The following R3HDML variants were observed in gnomAD, a reference collection of about 807,000 sequenced individuals.
R3HDML encodes the protein R3H domain containing like, also known as peptidase inhibitor R3HDML.
In R3HDML, 21 loss-of-function variants were observed where a neutral mutation model predicts 24.2. The observed-to-expected ratio is 0.87, with a 90% confidence interval of 0.62 to 1.25. R3HDML has a LOEUF of 1.25. R3HDML is among the 50% of genes most tolerant of loss of function. R3HDML has a pLI of 0.00. For synonymous variants in R3HDML, 133 were observed against 131.5 expected (o/e 1.01, Z -0.08); for missense variants, 301 against 340.3 (o/e 0.88, Z 0.91).
intron 4 of R3HDML, chr20:44,347,717 G>A (rs1218074352): frequency 6.6e-6 from 1 of 152,168 alleles, no homozygotes; most frequent in Admixed American, 6.5e-5. Context: ...ATGTCACAAA[G>A]CCAACAAGTA....
At chr20:44,346,061 C>G (rs2062786122) in intron 4 of R3HDML, among the ~76,000 whole-genome samples, 1 of 152,224 alleles carries the variant, frequency 6.6e-6, no homozygotes, top group African/African-American at 2.4e-5. Flanking sequence ...CTCAGGTGAT[C>G]TGCCCGCATC....
rs117125225 is a variant in R3HDML at position 44,348,142 on chromosome 20, C to A, written c.630-2518C>A. On this transcript the variant is annotated intron_variant, in intron 4 of 4. Transcript: ENST00000217043. Reference sequence around the variant, plus strand: ...TCAGTATAGTTGTTAAGATTTTTAGCCTCTGGGGCCAAGACTACCAGGGTT... The same window carrying A: ...TCAGTATAGTTGTTAAGATTTTTAGACTCTGGGGCCAAGACTACCAGGGTT... Among the ~76,000 whole-genome samples the A allele has an allele frequency of 1.1e-3, 160 of 152,004 alleles. 2 individuals carry two copies. The East Asian group carries it at 0.024, about 23-fold the overall frequency.
At chr20:44,345,241 C>T in intron 3 of R3HDML, 22 bp from the exon 4 acceptor site, 1 of 1,602,548 alleles carries the variant, frequency 6.2e-7, no homozygotes, top group Admixed American at 1.7e-5. Flanking sequence ...TCATAGCCCC[C>T]TCTGTCTCTG....
At position 44,343,511 on chromosome 20, in the gene R3HDML, T is replaced by C. The variant is rs776694435; in HGVS notation, c.513+2T>C. The C allele has an allele frequency of 6.3e-7, 1 of 1,599,840 alleles. No individual in the cohort carries two copies. Among genetic ancestry groups the C allele is most frequent in the South Asian group, 1.1e-5 (1 of 89,238 alleles). On this transcript the variant is annotated splice_donor_variant, in intron 3 of 4. Transcript: ENST00000217043. LOFTEE classifies it high-confidence loss of function. ...CCCACCTGCTCCCATTATACCCAGGTACTCCTCCGTCAGGGCTGAGGGCCC... is the reference window on the plus strand; with the variant it reads ...CCCACCTGCTCCCATTATACCCAGGCACTCCTCCGTCAGGGCTGAGGGCCC...
At chr20:44,342,943 G>C (rs1038434046) in intron 2 of R3HDML, among the ~76,000 whole-genome samples, 2 of 151,968 alleles carry the variant, frequency 1.3e-5, no homozygotes, top group Non-Finnish European at 2.9e-5. Context: ...AACAGAGCGA[G>C]ACTCCATCTC....
chr20:44,337,369 A>T lies in R3HDML; in HGVS notation c.212A>T (p.Asn71Ile). 2 of 1,614,172 alleles carry T rather than the reference A, an allele frequency of 1.2e-6. No individual in the cohort carries two copies. The highest frequency in any genetic ancestry group is 1.6e-4 in the Middle Eastern group (1 of 6,062). Residue 71 changes from asparagine (N) to isoleucine (I), a missense_variant, in exon 1 of 5, where the codon AAC (asparagine) becomes ATC (isoleucine). Coordinates refer to ENST00000217043, the MANE Select transcript of R3HDML (RefSeq NM_178491.4). The surrounding 1 kb of genome is among the most constrained non-coding windows in gnomAD (Gnocchi z 4.7). The part of the protein sequence containing the change: ...RDMNALLDYH[N>I]HIRASVYPPA... ...ATGAATGCCTTACTGGATTATCACA[A>T]CCACATCCGGGCCAGTGTGTACCCA...
At chr20:44,348,616 A>T (rs2144907) in intron 4 of R3HDML, among the ~76,000 whole-genome samples, 141,875 of 152,134 alleles carry the variant, frequency 0.93, 66,259 homozygotes, top group East Asian at 1. Flanking sequence ...TCCTCACACC[A>T]CAGCCTCCCC....
intron 4 of R3HDML, 41 bp downstream of exon 4, chr20:44,345,419 C>T (rs768761969): frequency 5.0e-6 from 7 of 1,408,726 alleles, no homozygotes; most frequent in Admixed American, 1.8e-5. Flanking sequence ...CTGGGGCCGG[C>T]GGGTGGGTCC....
At chr20:44,342,259 C>T (rs944178565) in intron 2 of R3HDML, among the ~76,000 whole-genome samples, 22 of 152,160 alleles carry the variant, frequency 1.4e-4, no homozygotes, top group African/African-American at 4.3e-4. Context: ...GCCATCACCC[C>T]GGGGAGAGTG....
chr20:44,349,789 G>C (rs1011306978), intron 4 of R3HDML, among the ~76,000 whole-genome samples: 2 of 152,216 alleles, frequency 1.3e-5, no homozygotes, highest in African/African-American at 2.4e-5. Flanking sequence ...GGAGAAAAAG[G>C]CTGGGCGCGG....
At chr20:44,345,739 C>A (rs2062784841) in intron 4 of R3HDML, among the ~76,000 whole-genome samples, 1 of 151,976 alleles carries the variant, frequency 6.6e-6, no homozygotes, top group Non-Finnish European at 1.5e-5. Flanking sequence ...GAGGTTGAGG[C>A]TGCAGTGAGC....
intron 2 of R3HDML, among the ~76,000 whole-genome samples, chr20:44,341,688 C>A (rs1256126944): frequency 6.6e-6 from 1 of 152,128 alleles, no homozygotes; most frequent in Non-Finnish European, 1.5e-5. Flanking sequence ...AGTTCAAGAC[C>A]AGTCTGGACA....
chr20:44,348,482 C>CTCCTTTCCTTTCCTTTCCTT (rs36204291), intron 4 of R3HDML, among the ~76,000 whole-genome samples: 4,821 of 135,120 alleles, frequency 0.036, 136 homozygotes, highest in Non-Finnish European at 0.048. Flanking sequence ...TTTTCCCTTT[C>CTCCTTTCCTTTCCTTTCCTT]TCCTTTCCTT....
chr20:44,343,001 A>G (rs898349845), intron 2 of R3HDML, among the ~76,000 whole-genome samples: 1 of 152,092 alleles, frequency 6.6e-6, no homozygotes, highest in African/African-American at 2.4e-5. Flanking sequence ...TTTTCAGACT[A>G]CAGAGGTTAT....
In R3HDML at chr20:44,341,261, G is replaced by T. The variant is rs1432510774; in HGVS notation, c.327G>T (p.Gly109=). The change falls in exon 2 of 5, where the codon GGG becomes GGT. Residue 109 remains glycine (G), a synonymous_variant. Transcript: ENST00000217043. ...CCACCCAGTGCATCTGGGCACATGG[G>T]CCTTCACAGCTGATGAGATACGTGG... ...AWATQCIWAH[G]PSQLMRYVGQ... 2 of 1,614,174 alleles carry T rather than the reference G, an allele frequency of 1.2e-6. No individual in the cohort carries two copies. The highest frequency in any genetic ancestry group is 1.3e-5 in the African/African-American group (1 of 75,068).
intron 3 of R3HDML, 128 bp from the exon 4 acceptor site, chr20:44,345,135 C>T: frequency 2.7e-6 from 2 of 748,632 alleles, no homozygotes; most frequent in Admixed American, 2.0e-5. Flanking sequence ...CGTTTCCTCC[C>T]CCAACACCTT....
chr20:44,337,144 T>C lies in R3HDML; in HGVS notation c.-14T>C, dbSNP rs762775149. 6.2e-7 allele frequency: 1 copy of C among 1,607,704 alleles called. No individual in the cohort carries two copies. Among genetic ancestry groups the C allele is most frequent in the Admixed American group, 1.7e-5 (1 of 59,808 alleles). Reference sequence around the variant, plus strand: ...TGATTGCACAAGGCAGACCTGTGACTCCTCCATCCAGCTATGCCCCTGCTG... The same window carrying C: ...TGATTGCACAAGGCAGACCTGTGACCCCTCCATCCAGCTATGCCCCTGCTG... On this transcript the variant is annotated 5_prime_UTR_variant, in exon 1 of 5. Transcript: ENST00000217043. This position sits in a 1 kb window ranked among gnomAD's most constrained non-coding sequence, Gnocchi z 4.7.
chr20:44,350,425 T>C (rs903857372), intron 4 of R3HDML, among the ~76,000 whole-genome samples: 3 of 151,244 alleles, frequency 2.0e-5, no homozygotes, highest in African/African-American at 7.3e-5. Context: ...CTGAGCTGAG[T>C]TGGGAGGATT....
chr20:44,340,826 AAAAG>A (rs368526031), intron 1 of R3HDML, among the ~76,000 whole-genome samples: 50 of 152,162 alleles, frequency 3.3e-4, no homozygotes, highest in African/African-American at 7.9e-4. Context: ...AGAAAAGAAA[AAAAG>A]AAAGAAAGAA....
Sources: allele counts gnomAD v4.1 joint callset (sites outside exome capture counted in the v4.1 genomes callset), GRCh38; gene constraint gnomAD v4.1.1; non-coding constraint Gnocchi (gnomAD v3.1); transcripts MANE v1.5; gene names NCBI Gene and HGNC (gene_info 2026-07-23, HGNC 2026-07-21).